The following ST18 variants were observed in gnomAD, a reference collection of about 807,000 sequenced individuals.
ST18 encodes suppression of tumorigenicity 18 protein.
Under a neutral mutation model 110.0 loss-of-function variants are expected in ST18, and 50 were observed. That is an observed-to-expected ratio of 0.45 (90% CI 0.36 to 0.58). The LOEUF (loss-of-function observed/expected upper bound fraction) is 0.58. ST18 is among the 20% of genes least tolerant of loss of function. The pLI is 0.00. For missense variants in ST18, 1,306 were observed against 1,280.1 expected (o/e 1.02, Z -0.31); for synonymous variants, 461 against 452.4 (o/e 1.02, Z -0.24).
intron 2 of ST18, among the ~76,000 whole-genome samples, chr8:52,274,538 T>A (rs1322199714): frequency 7.1e-6 from 1 of 141,256 alleles, no homozygotes; most frequent in Non-Finnish European, 1.5e-5. Flanking sequence ...TTTTTTTCGT[T>A]CTGTCAAAAA....
At chr8:52,390,860 C>T (rs1194102601) in intron 2 of ST18, among the ~76,000 whole-genome samples, 3 of 152,142 alleles carry the variant, frequency 2.0e-5, no homozygotes, top group Non-Finnish European at 4.4e-5. Flanking sequence ...CAGGTGCAGA[C>T]GGCACTAAAA....
intron 2 of ST18, among the ~76,000 whole-genome samples, chr8:52,388,868 T>G (rs1207883323): frequency 1.4e-5 from 2 of 146,508 alleles, no homozygotes; most frequent in African/African-American, 5.1e-5. Context: ...TAATGCTAAA[T>G]GATGAGTTAA....
At chr8:52,267,172 A>G (rs1368038804) in intron 2 of ST18, among the ~76,000 whole-genome samples, 1 of 151,954 alleles carries the variant, frequency 6.6e-6, no homozygotes, top group Non-Finnish European at 1.5e-5. Flanking sequence ...GTGGGGATGA[A>G]CCCTGAGGGG....
chr8:52,116,231 CA>C, intron 25 of ST18, 43 bp downstream of exon 25: 2 of 1,594,858 alleles, frequency 1.3e-6, no homozygotes, highest in Non-Finnish European at 1.7e-6. Context: ...GATGACACTG[CA>C]AATGCTTGTA....
chr8:52,248,329 C>T (rs2094016854), intron 2 of ST18: 1 of 152,140 alleles, frequency 6.6e-6, no homozygotes, highest in East Asian at 1.9e-4. Flanking sequence ...AAATTGAATA[C>T]TGATACTGAT....
intron 2 of ST18, among the ~76,000 whole-genome samples, chr8:52,314,889 G>C (rs771148165): frequency 3.9e-5 from 6 of 152,148 alleles, no homozygotes; most frequent in Non-Finnish European, 8.8e-5. Context: ...AGCCAGCCTC[G>C]ATTCTAAAGC....
At chr8:52,251,837 G>C (rs2094324790) in intron 2 of ST18, among the ~76,000 whole-genome samples, 1 of 152,002 alleles carries the variant, frequency 6.6e-6, no homozygotes, top group Non-Finnish European at 1.5e-5. Flanking sequence ...GCCGTCCAAA[G>C]TTTCTTTTAA....
intron 22 of ST18, among the ~76,000 whole-genome samples, chr8:52,130,074 G>C (rs757830926): frequency 3.9e-5 from 5 of 127,418 alleles, no homozygotes; most frequent in Non-Finnish European, 8.3e-5. Context: ...GAGAGAGAGA[G>C]AGAGAGAGAG....
chr8:52,264,079 G>C (rs377282404), intron 2 of ST18, among the ~76,000 whole-genome samples: 1 of 152,112 alleles, frequency 6.6e-6, no homozygotes, highest in Non-Finnish European at 1.5e-5. Context: ...GATTACAGGC[G>C]TGAGCCACCA....
chr8:52,385,145 C>T lies in ST18; in HGVS notation c.-465+24183G>A, dbSNP rs77768331. 1.4e-4 allele frequency among the ~76,000 whole-genome samples: 22 copies of T among 152,218 alleles called. 1 individual carries two copies. The East Asian group carries it at 3.9e-3, about 27-fold the overall frequency. ...AATTGACATCTAAGGTTCTGATTGA[C>T]GAGACTGAACTAGAAATACAGAATG... On this transcript the variant is annotated intron_variant, in intron 2 of 25. Transcript: ENST00000689386.
intron 2 of ST18, among the ~76,000 whole-genome samples, chr8:52,372,230 G>A (rs1830523599): frequency 6.6e-6 from 1 of 152,014 alleles, no homozygotes; most frequent in Non-Finnish European, 1.5e-5. Flanking sequence ...TTTTTTAAAA[G>A]TAGTAAAAAA....
intron 2 of ST18, among the ~76,000 whole-genome samples, chr8:52,338,343 C>A (rs1451193306): frequency 1.3e-5 from 2 of 152,064 alleles, no homozygotes; most frequent in Admixed American, 1.3e-4. Flanking sequence ...CAGGCATGAG[C>A]CACCGTGCCC....
chr8:52,126,024 G>T, intron 23 of ST18, 28 bp downstream of exon 23: 1 of 1,601,940 alleles, frequency 6.2e-7, no homozygotes, highest in Non-Finnish European at 8.6e-7. Flanking sequence ...CCTGCAGGAG[G>T]TGGTGACAGC....
intron 8 of ST18, among the ~76,000 whole-genome samples, chr8:52,203,297 C>T (rs951710704): frequency 2.6e-5 from 4 of 152,172 alleles, no homozygotes; most frequent in African/African-American, 4.8e-5. Context: ...GGTCACACAG[C>T]TAATCAGGGA....
At chr8:52,249,301 G>T (rs1266722567) in intron 2 of ST18, 1 of 152,266 alleles carries the variant, frequency 6.6e-6, no homozygotes, top group Non-Finnish European at 1.5e-5. Flanking sequence ...CAGCCCCACG[G>T]TTAGGCTAAG....
At chr8:52,175,265 T>A (rs1665454635) in intron 9 of ST18, among the ~76,000 whole-genome samples, 1 of 152,192 alleles carries the variant, frequency 6.6e-6, no homozygotes, top group African/African-American at 2.4e-5. Context: ...AAGGTAGTCG[T>A]GGCAGGGATT....
At chr8:52,338,913 T>A (rs1182818918) in intron 2 of ST18, among the ~76,000 whole-genome samples, 1 of 151,598 alleles carries the variant, frequency 6.6e-6, no homozygotes, top group East Asian at 2.0e-4. Context: ...ATTTTTAAAA[T>A]TTTTTTGTGC....
intron 2 of ST18, among the ~76,000 whole-genome samples, chr8:52,339,838 C>T (rs146414618): frequency 2.6e-5 from 4 of 152,222 alleles, no homozygotes; most frequent in African/African-American, 9.6e-5. Context: ...TTTTGTGGAT[C>T]TTTTGACACC....
chr8:52,290,042 C>T (rs1554813195), intron 2 of ST18, among the ~76,000 whole-genome samples: 1 of 152,082 alleles, frequency 6.6e-6, no homozygotes, highest in Non-Finnish European at 1.5e-5. Context: ...GCAGCGTCTT[C>T]AGGTGCATCG....
Sources: allele counts gnomAD v4.1 joint callset (sites outside exome capture counted in the v4.1 genomes callset), GRCh38; gene constraint gnomAD v4.1.1; transcripts MANE v1.5; gene names NCBI Gene and HGNC (gene_info 2026-07-23, HGNC 2026-07-21).